The following ETV6 variants were observed in gnomAD, a reference collection of about 807,000 sequenced individuals.
ETV6 encodes transcription factor ETV6.
A neutral mutation model predicts 51.1 loss-of-function variants in ETV6; 16 were observed. The observed-to-expected ratio is 0.31, with a 90% CI of 0.21 to 0.48. The LOEUF (loss-of-function observed/expected upper bound fraction) is 0.48. ETV6 is among the 20% of genes least tolerant of loss of function. ETV6 has a pLI of 0.99. For missense variants in ETV6, 458 were observed against 594.8 expected (o/e 0.77, Z 2.39); for synonymous variants, 240 against 224.1 (o/e 1.07, Z -0.64).
At chr12:11,660,828 AATTATTTTCATGTAT>A (rs1864087999) in intron 1 of ETV6, among the ~76,000 whole-genome samples, 1 of 152,086 alleles carries the variant, frequency 6.6e-6, no homozygotes, top group Non-Finnish European at 1.5e-5. Context: ...TGGTTTTGCT[AATTATTTTCATGTAT>A]TGACCTGGGA....
At chr12:11,660,384 C>T (rs1193992456) in intron 1 of ETV6, among the ~76,000 whole-genome samples, 1 of 151,906 alleles carries the variant, frequency 6.6e-6, no homozygotes, top group African/African-American at 2.4e-5. Flanking sequence ...GCGGGTGAAT[C>T]ACCTGAGGTC....
At chr12:11,875,740 G>C (rs1304470459) in intron 5 of ETV6, among the ~76,000 whole-genome samples, 1 of 152,150 alleles carries the variant, frequency 6.6e-6, no homozygotes, top group Non-Finnish European at 1.5e-5. Flanking sequence ...TCTGGTCTGG[G>C]ACTCTAGAGC....
intron 2 of ETV6, among the ~76,000 whole-genome samples, chr12:11,814,512 T>A (rs1945963188): frequency 6.6e-6 from 1 of 152,094 alleles, no homozygotes; most frequent in Non-Finnish European, 1.5e-5. Flanking sequence ...CCCCAAACAC[T>A]CTCCACTATT....
intron 3 of ETV6, chr12:11,840,978 C>G (rs1013664112): frequency 6.3e-6 from 1 of 159,026 alleles, no homozygotes; most frequent in African/African-American, 2.4e-5. Context: ...AAATCCCTAC[C>G]TCTTTGTGTT....
At chr12:11,767,180 A>G (rs1945174035) in intron 2 of ETV6, among the ~76,000 whole-genome samples, 1 of 152,222 alleles carries the variant, frequency 6.6e-6, no homozygotes, top group Admixed American at 6.5e-5. Context: ...AACAATATAC[A>G]ACCAGCAATG....
In ETV6 at chr12:11,789,718, A is replaced by G. The variant is rs767081569; in HGVS notation, c.163+37139A>G. 9.2e-5 allele frequency among the ~76,000 whole-genome samples: 14 copies of G among 152,174 alleles called. 1 individual carries two copies. Among genetic ancestry groups the G allele is most frequent in the Non-Finnish European group, 2.1e-4 (14 of 68,028 alleles). ...TACTGTATGATTTTAGACATGGGGT[A>G]ATTTTCCCCCAGAATTTTGAAGGTA... On this transcript the variant is annotated intron_variant, in intron 2 of 7. Coordinates refer to ENST00000396373, the MANE Select transcript of ETV6 (RefSeq NM_001987.5).
chr12:11,777,764 C>T (rs185835581), intron 2 of ETV6, among the ~76,000 whole-genome samples: 6 of 152,118 alleles, frequency 3.9e-5, no homozygotes, highest in Non-Finnish European at 7.4e-5. Context: ...CTCCACCCCC[C>T]ACCCTAGCAA....
chr12:11,888,398 CTTTTTTTTTTT>C (rs1555148147), intron 7 of ETV6, among the ~76,000 whole-genome samples: 1 of 80,686 alleles, frequency 1.2e-5, no homozygotes, highest in Non-Finnish European at 2.5e-5. Flanking sequence ...CTTTTCTTTT[CTTTTTTTTTTT>C]TTTTTAGACA....
At chr12:11,809,274 G>C (rs1043219592) in intron 2 of ETV6, among the ~76,000 whole-genome samples, 4 of 151,800 alleles carry the variant, frequency 2.6e-5, no homozygotes, top group African/African-American at 7.3e-5. Flanking sequence ...ACAATAAAAC[G>C]AGAAGGAAGG....
chr12:11,745,736 T>A (rs1357979449), intron 1 of ETV6, among the ~76,000 whole-genome samples: 1 of 152,216 alleles, frequency 6.6e-6, no homozygotes, highest in Admixed American at 6.5e-5. Context: ...ACCTGTACTT[T>A]TAGATTTGCT....
intron 1 of ETV6, among the ~76,000 whole-genome samples, chr12:11,724,052 G>A (rs1865443051): frequency 6.6e-6 from 1 of 152,094 alleles, no homozygotes; most frequent in East Asian, 1.9e-4. Context: ...TGAGGGTGCT[G>A]TGTGTCAGCT....
rs140621637 is a variant in ETV6 at position 11,729,535 on chromosome 12, G to A, written c.34-22915G>A. Among the ~76,000 whole-genome samples the A allele has an allele frequency of 9.4e-3, 1,433 of 152,270 alleles. 18 individuals are homozygous for A. The highest frequency in any genetic ancestry group is 0.024 in the Middle Eastern group (7 of 294). Reference sequence around the variant, plus strand: ...ACTACTTAATAATTAATGGAAAGGAGATGTGACAGGAATAGCCAATTTCCC... The same window carrying A: ...ACTACTTAATAATTAATGGAAAGGAAATGTGACAGGAATAGCCAATTTCCC... On this transcript the variant is annotated intron_variant, in intron 1 of 7. Coordinates refer to ENST00000396373, the MANE Select transcript of ETV6 (RefSeq NM_001987.5).
chr12:11,765,362 A>G (rs1255497962), intron 2 of ETV6, among the ~76,000 whole-genome samples: 2 of 152,042 alleles, frequency 1.3e-5, no homozygotes, highest in Non-Finnish European at 2.9e-5. Context: ...TCATCTGTCT[A>G]CGTCTCTCTT....
chr12:11,790,779 G>A (rs549529383), intron 2 of ETV6, among the ~76,000 whole-genome samples: 58 of 149,382 alleles, frequency 3.9e-4, no homozygotes, highest in Non-Finnish European at 7.2e-4. Context: ...CTGGATTCAA[G>A]CGATTCTCCT....
At chr12:11,855,545 T>A (rs1476588172) in intron 4 of ETV6, among the ~76,000 whole-genome samples, 5 of 152,208 alleles carry the variant, frequency 3.3e-5, no homozygotes, top group Non-Finnish European at 7.3e-5. Flanking sequence ...AAATGATTGC[T>A]CATCCCCAAG....
At chr12:11,828,987 G>A (rs934050590) in intron 2 of ETV6, among the ~76,000 whole-genome samples, 1 of 152,130 alleles carries the variant, frequency 6.6e-6, no homozygotes, top group Non-Finnish European at 1.5e-5. Flanking sequence ...TGGGGCCTGA[G>A]CGGGCACCTC....
chr12:11,824,636 G>A (rs553223263), intron 2 of ETV6, among the ~76,000 whole-genome samples: 54 of 152,280 alleles, frequency 3.5e-4, no homozygotes, highest in African/African-American at 1.2e-3. Flanking sequence ...AAAATTAGCC[G>A]GGCGTGGTGA....
intron 4 of ETV6, among the ~76,000 whole-genome samples, chr12:11,853,795 C>T (rs183546110): frequency 2.0e-5 from 3 of 152,218 alleles, no homozygotes; most frequent in Admixed American, 6.5e-5. Context: ...TAGTAGGCAC[C>T]GTAAAGGTGT....
chr12:11,827,188 G>A (rs546727859), intron 2 of ETV6, among the ~76,000 whole-genome samples: 123 of 151,822 alleles, frequency 8.1e-4, no homozygotes, highest in African/African-American at 2.5e-3. Context: ...TTCATGAGGC[G>A]TCAGCAACGC....
Sources: allele counts gnomAD v4.1 joint callset (sites outside exome capture counted in the v4.1 genomes callset), GRCh38; gene constraint gnomAD v4.1.1; transcripts MANE v1.5; gene names NCBI Gene and HGNC (gene_info 2026-07-23, HGNC 2026-07-21).